The following ATP1A4 variants were observed in gnomAD, a reference collection of about 807,000 sequenced individuals.
The protein encoded by ATP1A4 is ATPase Na+/K+ transporting subunit alpha 4, also known as sodium/potassium-transporting ATPase subunit alpha-4.
A neutral mutation model predicts 114.3 loss-of-function variants in ATP1A4; 90 were observed. The observed-to-expected ratio is 0.79, with a 90% CI of 0.66 to 0.94. The LOEUF (loss-of-function observed/expected upper bound fraction) is 0.94, where lower values mean the gene tolerates loss of function less well. Ranked by LOEUF, ATP1A4 falls within the 40% of genes least tolerant of loss-of-function variation. The pLI, the probability that ATP1A4 is intolerant of heterozygous loss-of-function variation, is 0.00. For synonymous variants in ATP1A4, 511 were observed against 494.1 expected (o/e 1.03, Z -0.45); for missense variants, 1,222 against 1,313.6 (o/e 0.93, Z 1.08).
At chr1:160,156,260 T>C (rs1652658425) in intron 4 of ATP1A4, 102 bp downstream of exon 4, 2 of 804,494 alleles carry the variant, frequency 2.5e-6, no homozygotes, top group Non-Finnish European at 4.2e-6. Flanking sequence ...ATAAGTGAGC[T>C]GAGTGAGGTT....
chr1:160,182,176 C>A, intron 20 of ATP1A4, 145 bp downstream of exon 20: 1 of 681,892 alleles, frequency 1.5e-6, no homozygotes, highest in East Asian at 2.6e-5. Context: ...CAAGGAGAGT[C>A]ATCTGTGCTC....
At chr1:160,163,369 T>G (rs7556648) in intron 6 of ATP1A4, among the ~76,000 whole-genome samples, 7,739 of 152,222 alleles carry the variant, frequency 0.051, 541 homozygotes, top group African/African-American at 0.16. Flanking sequence ...AGACAGTCCC[T>G]AACTCTAGAC....
At chr1:160,153,028 CA>C in intron 1 of ATP1A4, 136 bp from the exon 2 acceptor site, 4 of 666,360 alleles carry the variant, frequency 6.0e-6, no homozygotes, top group East Asian at 2.8e-5. Flanking sequence ...GACTCCATCT[CA>C]AAAAAAGAAT....
intron 10 of ATP1A4, among the ~76,000 whole-genome samples, chr1:160,169,137 C>T (rs542564106): frequency 6.6e-6 from 1 of 152,352 alleles, no homozygotes; most frequent in African/African-American, 2.4e-5. Flanking sequence ...CAAGCTCTGG[C>T]AGGCACTTGT....
chr1:160,182,778 T>C (rs1017955208), intron 20 of ATP1A4: 2 of 152,616 alleles, frequency 1.3e-5, no homozygotes, highest in Non-Finnish European at 2.9e-5. Flanking sequence ...TTCAAGTGAT[T>C]CTCCTGCTTC....
chr1:160,167,665 G>A (rs979334035), intron 10 of ATP1A4, among the ~76,000 whole-genome samples: 1 of 152,218 alleles, frequency 6.6e-6, no homozygotes, highest in African/African-American at 2.4e-5. Flanking sequence ...TGGGGAAAAA[G>A]CGAGTCATAA....
chr1:160,159,175 T>G, intron 5 of ATP1A4, 39 bp downstream of exon 5: 1 of 1,600,896 alleles, frequency 6.2e-7, no homozygotes, highest in Non-Finnish European at 8.5e-7. Context: ...GACCCAAGCG[T>G]GATCTCATGG....
intron 9 of ATP1A4, 31 bp downstream of exon 9, chr1:160,167,108 A>C: frequency 6.2e-7 from 1 of 1,607,654 alleles, no homozygotes; most frequent in Non-Finnish European, 8.5e-7. Context: ...AGGGTACCTC[A>C]GTGTCCAGGG....
In ATP1A4 at chr1:160,186,905, C is replaced by A; in HGVS notation, c.*206C>A. 1 of 637,520 alleles carries A rather than the reference C, an allele frequency of 1.6e-6. No individual in the cohort carries two copies. 39.5% of individuals were successfully genotyped at this position (637,520 alleles called of 1,614,324 possible). On this transcript the variant is annotated 3_prime_UTR_variant, in exon 22 of 22. Coordinates refer to ENST00000368081, the MANE Select transcript of ATP1A4 (RefSeq NM_144699.4). ...AAGCCCAGCCTGCATCTAGCTGGAG[C>A]CCCGCAGGGAGGGGCATGGTCCTGC...
chr1:160,176,471 T>C lies in ATP1A4; in HGVS notation c.2467-8T>C, dbSNP rs1287010776. On this transcript the variant is annotated splice_region_variant and splice_polypyrimidine_tract_variant and intron_variant, in intron 16 of 21. Coordinates refer to ENST00000368081, the MANE Select transcript of ATP1A4 (RefSeq NM_144699.4). The stretch of plus-strand genomic sequence containing the variant: ...TGACCCCTGTCATCCCCACCCTCCA[T>C]CCTCCAGGTCCCTGCCATCTCCTTG... The C allele has an allele frequency of 6.2e-7, 1 of 1,614,014 alleles. No homozygotes were observed. The highest frequency in any genetic ancestry group is 1.1e-5 in the South Asian group (1 of 91,074).
Position 160,177,682 on chromosome 1 carries a change from G to T in ATP1A4, c.2736+18G>T, listed in dbSNP as rs906802123. The T allele has an allele frequency of 1.2e-6, 2 of 1,613,704 alleles. No homozygotes were observed. The highest frequency in any genetic ancestry group is 1.7e-6 in the Non-Finnish European group (2 of 1,179,672). On this transcript the variant is annotated intron_variant, in intron 18 of 21. Coordinates refer to ENST00000368081, the MANE Select transcript of ATP1A4 (RefSeq NM_144699.4). ...AGCAGTGGGTGAGTAGAAGGGATAA[G>T]GTAGGAGCTGAGACCAGTAAGAGTG...
intron 7 of ATP1A4, among the ~76,000 whole-genome samples, chr1:160,165,417 C>G (rs1321060780): frequency 6.6e-6 from 1 of 152,206 alleles, no homozygotes; most frequent in Non-Finnish European, 1.5e-5. Flanking sequence ...TTTTTCAAGT[C>G]CTTTTCAATG....
At chr1:160,166,427 A>G in intron 7 of ATP1A4, 101 bp from the exon 8 acceptor site, 1 of 1,446,424 alleles carries the variant, frequency 6.9e-7, no homozygotes, top group Non-Finnish European at 9.3e-7. Context: ...AGTAAGTACA[A>G]AAAATCAAAA....
chr1:160,154,024 G>A (rs760190100), intron 2 of ATP1A4, among the ~76,000 whole-genome samples: 2 of 152,154 alleles, frequency 1.3e-5, no homozygotes, highest in Admixed American at 6.5e-5. Context: ...AGAGTGGAAT[G>A]AGAATCTATG....
At position 160,176,100 on chromosome 1, in the gene ATP1A4, A is replaced by G; in HGVS notation, c.2320A>G (p.Ile774Val). Residue 774 changes from isoleucine (I) to valine (V), a missense_variant, in exon 16 of 22, where the codon ATC becomes GTC. Physicochemically the swap from Ile to Val is conservative, Grantham distance 29 (BLOSUM62 3). Transcript: ENST00000368081. ...IVTGVEEGRL[I>V]FDNLKKSIMY... ...TTGACCTTCCTCCCCAGGCCGCCTGATCTTTGACAACCTGAAGAAATCCAT... is the reference window on the plus strand; with the variant it reads ...TTGACCTTCCTCCCCAGGCCGCCTGGTCTTTGACAACCTGAAGAAATCCAT... 1.2e-6 allele frequency: 2 copies of G among 1,613,990 alleles called. No homozygotes were observed. The highest frequency in any genetic ancestry group is 1.7e-6 in the Non-Finnish European group (2 of 1,179,992).
At chr1:160,164,890 G>A (rs1652978369) in intron 7 of ATP1A4, among the ~76,000 whole-genome samples, 1 of 152,196 alleles carries the variant, frequency 6.6e-6, no homozygotes, top group Admixed American at 6.5e-5. Flanking sequence ...ACCCCTTTCT[G>A]TCTCAATTCG....
chr1:160,153,089 C>G (rs1652512945), intron 1 of ATP1A4, 76 bp from the exon 2 acceptor site: 1 of 1,188,180 alleles, frequency 8.4e-7, no homozygotes, highest in African/African-American at 1.5e-5. Flanking sequence ...TAACATTCTC[C>G]AGTCTGTTTC....
In ATP1A4 at chr1:160,152,091, A is replaced by G; in HGVS notation, c.51A>G (p.Pro17=). 6.2e-7 allele frequency: 1 copy of G among 1,614,130 alleles called. No homozygotes were observed. The highest frequency in any genetic ancestry group is 8.5e-7 in the Non-Finnish European group (1 of 1,179,998). The part of the protein sequence containing the change: ...KGTVAPHDQS[P]RRRPKKGLIK... ...CAGTGGCTCCCCATGACCAGAGTCC[A>G]AGACGAAGACCTAAAAAAGGGCTTA... Residue 17 remains proline, a synonymous_variant, in exon 1 of 22, where the codon CCA becomes CCG. Transcript: ENST00000368081.
At chr1:160,166,838 G>T in intron 8 of ATP1A4, 112 bp downstream of exon 8, 1 of 1,516,210 alleles carries the variant, frequency 6.6e-7, no homozygotes. Context: ...AAGTGGAGTG[G>T]AGAAGAGGGA....
Sources: allele counts gnomAD v4.1 joint callset (sites outside exome capture counted in the v4.1 genomes callset), GRCh38; gene constraint gnomAD v4.1.1; transcripts MANE v1.5; gene names NCBI Gene and HGNC (gene_info 2026-07-23, HGNC 2026-07-21).